FOXP2: variants seen among roughly 807,000 people sequenced by gnomAD.
FOXP2 encodes the protein forkhead box protein P2.
A neutral mutation model predicts 115.8 loss-of-function variants in FOXP2; 12 were observed. The ratio of observed to expected loss-of-function variants is 0.10; its 90% CI spans 0.07 to 0.17. The LOEUF is 0.17. Among genes scored for constraint, FOXP2 ranks in the 10% least tolerant of loss-of-function variants. The pLI, the probability that FOXP2 is intolerant of heterozygous loss-of-function variation, is 1.00. For synonymous variants in FOXP2, 328 were observed against 297.7 expected (o/e 1.10, Z -1.05); for missense variants, 629 against 843.5 (o/e 0.75, Z 3.15).
intron 1 of FOXP2, among the ~76,000 whole-genome samples, chr7:114,182,854 ACATATTATAGG>A: frequency 6.6e-6 from 1 of 152,270 alleles, no homozygotes; most frequent in East Asian, 1.9e-4. Flanking sequence ...TACATAATGT[ACATATTATAGG>A]CCATCGTTGG....
chr7:114,631,421 CA>C (rs1804914484), intron 5 of FOXP2, 106 bp from the exon 6 acceptor site: 7 of 1,534,274 alleles, frequency 4.6e-6, no homozygotes, highest in Non-Finnish European at 6.1e-6. Context: ...ATGGGATGAC[CA>C]AAAAACCCAC....
At chr7:114,157,725 C>A (rs980050079) in intron 1 of FOXP2, among the ~76,000 whole-genome samples, 9 of 152,068 alleles carry the variant, frequency 5.9e-5, no homozygotes, top group African/African-American at 2.2e-4. Flanking sequence ...TCCCCCACTT[C>A]CCCCTGTGCC....
intron 8 of FOXP2, among the ~76,000 whole-genome samples, chr7:114,648,305 C>G (rs1264367440): frequency 1.3e-5 from 2 of 152,018 alleles, no homozygotes; most frequent in African/African-American, 2.4e-5. Flanking sequence ...CTCACATAAT[C>G]AACTAAATGA....
At chr7:114,419,006 C>T (rs760639463) in intron 1 of FOXP2, among the ~76,000 whole-genome samples, 1 of 151,876 alleles carries the variant, frequency 6.6e-6, no homozygotes, top group Admixed American at 6.6e-5. Flanking sequence ...ATGCTAAACA[C>T]ACACTCTTCT....
intron 3 of FOXP2, among the ~76,000 whole-genome samples, chr7:114,536,308 C>A (rs1799388592): frequency 6.6e-6 from 1 of 151,076 alleles, no homozygotes; most frequent in African/African-American, 2.4e-5. Context: ...TTGCTTCTTC[C>A]TCTCCAAAGC....
At chr7:114,434,167 T>C (rs1203945767) in intron 2 of FOXP2, among the ~76,000 whole-genome samples, 1 of 151,936 alleles carries the variant, frequency 6.6e-6, no homozygotes, top group Non-Finnish European at 1.5e-5. Context: ...ATCTAGTAGA[T>C]GTACTTGCTA....
rs369388035 is a variant in FOXP2, at chr7:114,355,555, T to C, written c.-11+67446T>C. ...GCTCAGATGAAATTTTTTTTCAGACTGTCCGGAAGGCTGCATTTTGGATCT... is the reference window on the plus strand; with the variant it reads ...GCTCAGATGAAATTTTTTTTCAGACCGTCCGGAAGGCTGCATTTTGGATCT... On this transcript the variant is annotated intron_variant, in intron 2 of 17. Transcript: ENST00000634411. Among the ~76,000 whole-genome samples the C allele has an allele frequency of 2.2e-4, 34 of 152,294 alleles. 1 individual carries two copies. Among genetic ancestry groups the C allele is most frequent in the African/African-American group, 8.2e-4 (34 of 41,576 alleles).
At chr7:114,516,363 A>G (rs1227235915) in intron 2 of FOXP2, among the ~76,000 whole-genome samples, 1 of 152,188 alleles carries the variant, frequency 6.6e-6, no homozygotes, top group African/African-American at 2.4e-5. Flanking sequence ...CCATATGTAG[A>G]AAGCTGAAAC....
At chr7:114,567,663 G>A (rs1444221674) in intron 3 of FOXP2, among the ~76,000 whole-genome samples, 1 of 151,956 alleles carries the variant, frequency 6.6e-6, no homozygotes, top group Admixed American at 6.6e-5. Flanking sequence ...TGATTTGCTG[G>A]AGTTATGTCA....
chr7:114,269,816 C>T (rs1055780901), intron 1 of FOXP2, among the ~76,000 whole-genome samples: 2 of 152,128 alleles, frequency 1.3e-5, no homozygotes, highest in Admixed American at 6.6e-5. Context: ...GATAAATTTA[C>T]AATTTTGTAT....
At chr7:114,246,553 T>C (rs1468344786) in intron 1 of FOXP2, among the ~76,000 whole-genome samples, 1 of 152,162 alleles carries the variant, frequency 6.6e-6, no homozygotes. Context: ...ACTTATGGTA[T>C]TGAGTACATA....
chr7:114,197,910 G>A (rs1312480977), intron 1 of FOXP2, among the ~76,000 whole-genome samples: 1 of 151,436 alleles, frequency 6.6e-6, no homozygotes, highest in East Asian at 1.9e-4. Context: ...TGTCACCCAG[G>A]CTGGAGTGCA....
chr7:114,092,038 C>T, intron 1 of FOXP2, among the ~76,000 whole-genome samples: 1 of 151,786 alleles, frequency 6.6e-6, no homozygotes, highest in African/African-American at 2.4e-5. Flanking sequence ...TTTTTTTCTG[C>T]TGTGGCAAAT....
At chr7:114,261,258 A>G (rs1795743086) in intron 1 of FOXP2, among the ~76,000 whole-genome samples, 1 of 152,204 alleles carries the variant, frequency 6.6e-6, no homozygotes, top group Non-Finnish European at 1.5e-5. Flanking sequence ...TAACTTTCCC[A>G]CCTGACATGA....
At chr7:114,264,257 A>G (rs1321220062) in intron 1 of FOXP2, among the ~76,000 whole-genome samples, 1 of 152,168 alleles carries the variant, frequency 6.6e-6, no homozygotes, top group Non-Finnish European at 1.5e-5. Flanking sequence ...TGTGATTTTT[A>G]AATTTCTCAG....
chr7:114,457,181 G>A (rs1339827113), intron 2 of FOXP2, among the ~76,000 whole-genome samples: 1 of 151,906 alleles, frequency 6.6e-6, no homozygotes, highest in Non-Finnish European at 1.5e-5. Context: ...ATCAAAAAAG[G>A]GTAACTACAG....
At chr7:114,386,715 A>T (rs923425237) in intron 2 of FOXP2, among the ~76,000 whole-genome samples, 2 of 152,216 alleles carry the variant, frequency 1.3e-5, no homozygotes, top group Non-Finnish European at 2.9e-5. Flanking sequence ...GACAAGAGGG[A>T]AAAGGAGAGG....
chr7:114,269,269 A>G lies in FOXP2; in HGVS notation c.-101-18750A>G, dbSNP rs188215714. ...CATATTGTTGATATTTTGAATAGAG[A>G]TAGACAGAAAAAGAATTATTTGTAA... On this transcript the variant is annotated intron_variant, in intron 1 of 17. Transcript: ENST00000634411. 2.0e-5 allele frequency among the ~76,000 whole-genome samples: 3 copies of G among 152,298 alleles called. No individual in the cohort carries two copies. The East Asian group carries it at 5.8e-4, about 29-fold the overall frequency.
chr7:114,504,636 A>C (rs182256768), intron 2 of FOXP2, among the ~76,000 whole-genome samples: 1,671 of 144,932 alleles, frequency 0.012, 13 homozygotes, highest in Non-Finnish European at 0.018. Flanking sequence ...ATATTCACCC[A>C]AAAAAAGAAA....
Sources: gnomAD v4.1 joint callset for allele counts (sites outside exome capture counted in the v4.1 genomes callset) on GRCh38, gnomAD v4.1.1 for gene constraint, MANE v1.5 for transcripts, NCBI Gene and HGNC (gene_info 2026-07-23, HGNC 2026-07-21) for gene names.